Variants in DLC1 observed in about 807,000 individuals in gnomAD.
The protein encoded by DLC1 is DLC1 Rho GTPase activating protein.
A neutral mutation model predicts 140.3 loss-of-function variants in DLC1; 54 were observed. The observed-to-expected ratio is 0.38, with a 90% CI of 0.31 to 0.48. The LOEUF is 0.48. Among genes scored for constraint, DLC1 ranks in the 20% least tolerant of loss-of-function variants. The probability of loss-of-function intolerance (pLI) is 0.96; values close to 1 mark genes in which losing one functional copy is unlikely to be tolerated. For synonymous variants in DLC1, 986 were observed against 728.1 expected (o/e 1.35, Z -5.70); for missense variants, 2,536 against 1,907.0 (o/e 1.33, Z -6.14).
intron 1 of DLC1, among the ~76,000 whole-genome samples, chr8:13,528,819 C>T (rs1368338914): frequency 6.6e-6 from 1 of 152,136 alleles, no homozygotes; most frequent in African/African-American, 2.4e-5. Flanking sequence ...TCAGTTTGAG[C>T]AACAGACCCA....
At chr8:13,439,528 C>G (rs1291537519) in intron 2 of DLC1, among the ~76,000 whole-genome samples, 1 of 151,722 alleles carries the variant, frequency 6.6e-6, no homozygotes, top group African/African-American at 2.4e-5. Context: ...TATAAATTAG[C>G]CAATTTCAAA....
chr8:13,300,512 C>A (rs1362277034), intron 5 of DLC1, among the ~76,000 whole-genome samples: 1 of 152,176 alleles, frequency 6.6e-6, no homozygotes, highest in Non-Finnish European at 1.5e-5. Context: ...CTCCCCCAGT[C>A]TCCTGCTAGA....
chr8:13,519,583 T>G (rs1314076538), upstream of DLC1, among the ~76,000 whole-genome samples: 1 of 152,162 alleles, frequency 6.6e-6, no homozygotes, highest in Non-Finnish European at 1.5e-5. Context: ...AACCATATAG[T>G]ATTTACCTGA....
intron 2 of DLC1, among the ~76,000 whole-genome samples, chr8:13,466,957 A>T (rs1173617913): frequency 3.6e-5 from 2 of 55,760 alleles, no homozygotes; most frequent in Non-Finnish European, 1.3e-4. Context: ...ACAAAAAAAA[A>T]ACCCCTCCAC....
At chr8:13,575,974 C>A (rs1310722774) in intron 1 of DLC1, among the ~76,000 whole-genome samples, 1 of 152,166 alleles carries the variant, frequency 6.6e-6, no homozygotes, top group Admixed American at 6.5e-5. Context: ...TCTTGGATAA[C>A]TAGTTGTTGC....
rs117206401 is a variant in DLC1, at chr8:13,428,816, C to T, written c.1024-27197G>A. 1.6e-3 allele frequency among the ~76,000 whole-genome samples: 239 copies of T among 152,122 alleles called. 4 individuals are homozygous for T. In the Middle Eastern group the frequency reaches 0.027, roughly 17 times the overall value. ...TCAATGTATACCATTTTAGGTGGCC[C>T]GAGGGTGTTCTTGAAAACGTAGAAC... On this transcript the variant is annotated intron_variant, in intron 2 of 17. Coordinates refer to ENST00000276297, the MANE Select transcript of DLC1 (RefSeq NM_182643.3).
chr8:13,219,296 TTA>T (rs1297971752), intron 5 of DLC1, among the ~76,000 whole-genome samples: 1 of 129,194 alleles, frequency 7.7e-6, no homozygotes, highest in African/African-American at 2.8e-5. Flanking sequence ...AATTATATAG[TTA>T]TATTCTTAAA....
intron 2 of DLC1, among the ~76,000 whole-genome samples, chr8:13,496,447 C>T (rs951740763): frequency 4.0e-5 from 6 of 151,740 alleles, no homozygotes; most frequent in Non-Finnish European, 5.9e-5. Context: ...AGTGAAAACC[C>T]CTCCTGTTCT....
At chr8:13,583,297 A>G (rs1466047298) in intron 1 of DLC1, among the ~76,000 whole-genome samples, 2 of 152,196 alleles carry the variant, frequency 1.3e-5, no homozygotes, top group African/African-American at 2.4e-5. Context: ...GAATATTCCA[A>G]ATCCATTGGT....
At chr8:13,257,788 T>G (rs892461802) in intron 5 of DLC1, among the ~76,000 whole-genome samples, 1 of 151,864 alleles carries the variant, frequency 6.6e-6, no homozygotes, top group Non-Finnish European at 1.5e-5. Context: ...TAGAATGTTC[T>G]AATCCTAACC....
At chr8:13,311,105 C>G (rs1420609411) in intron 4 of DLC1, among the ~76,000 whole-genome samples, 1 of 152,006 alleles carries the variant, frequency 6.6e-6, no homozygotes, top group East Asian at 1.9e-4. Context: ...AATGTTTGCC[C>G]CAGTATCAGC....
chr8:13,562,937 T>C (rs905239920), intron 1 of DLC1, among the ~76,000 whole-genome samples: 4 of 151,790 alleles, frequency 2.6e-5, no homozygotes, highest in Admixed American at 2.0e-4. Context: ...TAAAGCAATG[T>C]GTAGAGTATG....
At chr8:13,569,809 C>T (rs1350745483) in intron 1 of DLC1, among the ~76,000 whole-genome samples, 1 of 152,212 alleles carries the variant, frequency 6.6e-6, no homozygotes, top group Non-Finnish European at 1.5e-5. Flanking sequence ...GCAGCCTCAA[C>T]CTCTAGGATT....
chr8:13,142,879 A>C (rs1823110793), intron 5 of DLC1, among the ~76,000 whole-genome samples: 1 of 152,114 alleles, frequency 6.6e-6, no homozygotes, highest in Non-Finnish European at 1.5e-5. Flanking sequence ...GAGAAACTCC[A>C]TCTGTACTAA....
At chr8:13,326,869 A>C (rs916080667) in intron 4 of DLC1, among the ~76,000 whole-genome samples, 2 of 152,180 alleles carry the variant, frequency 1.3e-5, no homozygotes, top group African/African-American at 4.8e-5. Flanking sequence ...GGTGTGATTG[A>C]ATGAACTGTT....
intron 1 of DLC1, among the ~76,000 whole-genome samples, chr8:13,548,251 G>T (rs556487395): frequency 1.7e-3 from 257 of 152,096 alleles, no homozygotes; most frequent in African/African-American, 5.8e-3. Context: ...CACCTCACTA[G>T]GTTAGCTGAA....
intron 5 of DLC1, among the ~76,000 whole-genome samples, chr8:13,222,356 T>C (rs1239140980): frequency 6.6e-6 from 1 of 152,216 alleles, no homozygotes; most frequent in African/African-American, 2.4e-5. Context: ...TTTTGAGCTA[T>C]TCTGCTAAAA....
At chr8:13,454,384 A>T (rs956043674) in intron 2 of DLC1, among the ~76,000 whole-genome samples, 4 of 152,212 alleles carry the variant, frequency 2.6e-5, no homozygotes, top group African/African-American at 7.2e-5. Flanking sequence ...CATATATAAA[A>T]CATATTCACA....
chr8:13,582,561 C>T (rs767530695), intron 1 of DLC1, among the ~76,000 whole-genome samples: 3 of 152,072 alleles, frequency 2.0e-5, no homozygotes, highest in African/African-American at 7.2e-5. Flanking sequence ...ATGCTTCCTA[C>T]CCTTGAACAT....
Sources: gnomAD v4.1 joint callset for allele counts (sites outside exome capture counted in the v4.1 genomes callset) on GRCh38, gnomAD v4.1.1 for gene constraint, MANE v1.5 for transcripts, NCBI Gene and HGNC (gene_info 2026-07-23, HGNC 2026-07-21) for gene names.